The following DCXR variants were observed in gnomAD, a reference collection of about 807,000 sequenced individuals.
DCXR encodes L-xylulose reductase.
DCXR carries 24 observed loss-of-function variants against 25.9 expected under a neutral mutation model. The observed-to-expected ratio is 0.93, with a 90% CI of 0.67 to 1.30. The LOEUF (loss-of-function observed/expected upper bound fraction) is 1.30. Among genes scored for constraint, DCXR ranks in the 50% most tolerant of loss-of-function variants. The pLI, the probability that DCXR is intolerant of heterozygous loss-of-function variation, is 0.00. For synonymous variants in DCXR, 161 were observed against 141.7 expected (o/e 1.14, Z -0.97); for missense variants, 348 against 333.7 (o/e 1.04, Z -0.33).
At chr17:82,036,148 G>C (rs372313006) in intron 7 of DCXR, 43 bp downstream of exon 7, 251 of 1,608,032 alleles carry the variant, frequency 1.6e-4, no homozygotes, top group East Asian at 2.7e-4. Context: ...GGCACACACA[G>C]GGACTGCTGG....
rs1291928497 is a variant in DCXR, at chr17:82,037,477, C to G, written c.123G>C (p.Gln41His). ...CGCGGACAAGGCTGTCAAGATCCGC[C>G]TGAGTCCGGCTCACAGCCACCACCC... ...GARVVAVSRT[Q>H]ADLDSLVREC... Residue 41 changes from glutamine to histidine, a missense_variant, in exon 2 of 8, where the codon CAG becomes CAC. Coordinates refer to ENST00000306869, the MANE Select transcript of DCXR (RefSeq NM_016286.4). 4 of 1,534,628 alleles carry G rather than the reference C, an allele frequency of 2.6e-6. No individual in the cohort carries two copies. The highest frequency in any genetic ancestry group is 3.5e-6 in the Non-Finnish European group (4 of 1,147,458).
intron 2 of DCXR, 117 bp downstream of exon 2, chr17:82,037,333 G>T: frequency 8.4e-7 from 1 of 1,193,306 alleles, no homozygotes; most frequent in Admixed American, 3.3e-5. Flanking sequence ...CCAGGCCGCG[G>T]TGAGAAGCGC....
rs747288981 is a variant in DCXR, at chr17:82,036,300, C to A, written c.522G>T (p.Val174=). The A allele has an allele frequency of 1.9e-6, 3 of 1,613,464 alleles. No homozygotes were observed. The African/African-American group carries it at 4.0e-5, about 22-fold the overall frequency. ...TCACCACTGTGGGGTTTACTGCATT[C>A]ACTCGGATCTACACCGGGACAGCTG... ...ALELGPHKIR[V]NAVNPTVVMT... The change falls in exon 7 of 8, where the codon GTG becomes GTT. Residue 174 remains valine, a synonymous_variant. Transcript: ENST00000306869.
Position 82,036,743 on chromosome 17 carries a change from C to G in DCXR, c.326G>C (p.Arg109Pro), listed in dbSNP as rs557076879. Residue 109 changes from arginine to proline, a missense_variant, in exon 4 of 8, where the codon CGT becomes CCT. Arg to Pro is a moderately radical substitution (Grantham distance 103). Coordinates refer to ENST00000306869, the MANE Select transcript of DCXR (RefSeq NM_016286.4). ...CACCTGCGACACCTGGATGACCGCACGCAGGTTCACCTCAAAGGATCTAGA... is the reference window on the plus strand; with the variant it reads ...CACCTGCGACACCTGGATGACCGCAGGCAGGTTCACCTCAAAGGATCTAGA... ...AFDRSFEVNL[R>P]AVIQVSQIVA... is the part of the protein sequence containing the mutation. 1.2e-6 allele frequency: 2 copies of G among 1,613,550 alleles called. No individual in the cohort carries two copies. The highest frequency in any genetic ancestry group is 1.7e-6 in the Non-Finnish European group (2 of 1,180,036).
Position 82,037,545 on chromosome 17 carries a change from T to C in DCXR, c.55A>G (p.Ile19Val), listed in dbSNP as rs747275397. ...RVLVTGAGKG[I>V]GRGTVQALHA... ...AGCGCCTGGACCGTGCCGCGCCCTA[T>C]ACCTGCCGGGAGCGGGCTCAGTGAA... is the stretch of plus-strand genomic sequence containing the variant. Residue 19 changes from isoleucine (I) to valine (V), a missense_variant and splice_region_variant, in exon 2 of 8, where the codon ATA (isoleucine) becomes GTA (valine). By Grantham distance (29) the Ile-to-Val change is conservative. Transcript: ENST00000306869. 36 of 1,544,464 alleles carry C rather than the reference T, an allele frequency of 2.3e-5. No individual in the cohort carries two copies. Among genetic ancestry groups the C allele is most frequent in the Non-Finnish European group, 3.0e-5 (35 of 1,151,348 alleles).
In DCXR at chr17:82,036,656, CGAGACCGT is replaced by C. The variant is rs750584259; in HGVS notation, c.349-21_349-14del. ...CCCTGGCCACAATCTGGAATCGCAG[CGAGACCGT>C]GAGGCAGAGCTGGCATCACTCACGA... On this transcript the variant is annotated splice_polypyrimidine_tract_variant and intron_variant, in intron 4 of 7. Transcript: ENST00000306869. 1 of 1,613,362 alleles carries C rather than the reference CGAGACCGT, an allele frequency of 6.2e-7. No individual in the cohort carries two copies. Among genetic ancestry groups the C allele is most frequent in the Non-Finnish European group, 8.5e-7 (1 of 1,179,980 alleles).
Position 82,036,918 on chromosome 17 carries a change from G to T in DCXR, c.246C>A (p.Asn82Lys), listed in dbSNP as rs910601411. ...GSVGPVDLLV[N>K]NAAVALLQPF... The stretch of plus-strand genomic sequence containing the variant: ...GCTGCAGCAGGGCGACAGCGGCGTT[G>T]TTCACCAGCAGGTCCACGGGGCCCA... Residue 82 changes from asparagine to lysine, a missense_variant, in exon 3 of 8, where the codon AAC becomes AAA. Transcript: ENST00000306869. 6.2e-7 allele frequency: 1 copy of T among 1,612,656 alleles called. No individual in the cohort carries two copies. The highest frequency in any genetic ancestry group is 8.5e-7 in the Non-Finnish European group (1 of 1,179,884).
Position 82,036,235 on chromosome 17 carries a change from T to C in DCXR, c.587A>G (p.Lys196Arg). 6.2e-7 allele frequency: 1 copy of C among 1,613,672 alleles called. No homozygotes were observed. ...MGQATWSDPHKAKTMLNRIPL... is the reference protein window; with the variant it reads ...MGQATWSDPHRAKTMLNRIPL... ...GATTCGGTTCAGCATAGTCTTGGCC[T>C]TGTGGGGGTCACTCCAGGTGGCCTG... The change falls in exon 7 of 8, where the codon AAG becomes AGG. Residue 196 changes from lysine (K) to arginine (R), a missense_variant. Coordinates refer to ENST00000306869, the MANE Select transcript of DCXR (RefSeq NM_016286.4).
rs2043499215 is a variant in DCXR, at chr17:82,036,980, C to T, written c.184G>A (p.Gly62Ser). Residue 62 changes from glycine to serine, a missense_variant, in exon 3 of 8, where the codon GGT (glycine) becomes AGT (serine). Gly to Ser is a moderately conservative substitution (Grantham distance 56). Coordinates refer to ENST00000306869, the MANE Select transcript of DCXR (RefSeq NM_016286.4). The stretch of plus-strand genomic sequence containing the variant: ...GCCCGCTCGGTGGCCTCCCAGTCAC[C>T]CAGGTCCACGCACACGGGTTCTATC... The part of the protein sequence containing the change: ...PGIEPVCVDL[G>S]DWEATERALG... The T allele has an allele frequency of 1.3e-6, 2 of 1,583,370 alleles. No homozygotes were observed. The highest frequency in any genetic ancestry group is 1.7e-6 in the Non-Finnish European group (2 of 1,165,662).
intron 2 of DCXR, 59 bp downstream of exon 2, chr17:82,037,391 C>T: frequency 1.3e-6 from 2 of 1,481,916 alleles, no homozygotes; most frequent in Non-Finnish European, 1.8e-6. Context: ...ACCGCCCCCG[C>T]TCGCTGCCGC....
intron 3 of DCXR, 45 bp downstream of exon 3, chr17:82,036,814 C>A (rs1357228603): frequency 6.2e-7 from 1 of 1,613,336 alleles, no homozygotes; most frequent in African/African-American, 1.3e-5. Context: ...GCTGCGTCCT[C>A]CAGGACAGCC....
In DCXR at chr17:82,036,018, C is replaced by A. The variant is rs752090622; in HGVS notation, c.677G>T (p.Arg226Leu). The change falls in exon 8 of 8, where the codon CGA becomes CTA. Residue 226 changes from arginine to leucine, a missense_variant. Transcript: ENST00000306869. ...AGTGGAACCCGTGGTCATGCCACTT[C>A]GGTCACTCAGCAGAAAGAGGATGGC... ...VNAILFLLSD[R>L]SGMTTGSTLP... 1 of 1,613,346 alleles carries A rather than the reference C, an allele frequency of 6.2e-7. No individual in the cohort carries two copies. Among genetic ancestry groups the A allele is most frequent in the Admixed American group, 1.7e-5 (1 of 60,014 alleles).
chr17:82,036,954 C>G lies in DCXR; in HGVS notation c.210G>C (p.Ala70=). The change falls in exon 3 of 8, where the codon GCG becomes GCC. Residue 70 remains alanine, a synonymous_variant. Transcript: ENST00000306869. The stretch of plus-strand genomic sequence containing the variant: ...GGTCCACGGGGCCCACGCTGCCCAG[C>G]GCCCGCTCGGTGGCCTCCCAGTCAC... ...DLGDWEATER[A]LGSVGPVDLL... 1 of 1,601,400 alleles carries G rather than the reference C, an allele frequency of 6.2e-7. No individual in the cohort carries two copies. Among genetic ancestry groups the G allele is most frequent in the Non-Finnish European group, 8.5e-7 (1 of 1,174,696 alleles).
rs759402588 is a variant in DCXR at position 82,037,658 on chromosome 17, G to A, written c.25C>T (p.Arg9Trp). 7 of 1,590,610 alleles carry A rather than the reference G, an allele frequency of 4.4e-6. No homozygotes were observed. Among genetic ancestry groups the A allele is most frequent in the South Asian group, 3.3e-5 (3 of 89,642 alleles). ...TTGCCTGCCCCGGTGACCAGCACCC[G>A]GCGGCCCGCGAGGAACAGCTCCATG... Reference protein sequence around the residue: MELFLAGRRVLVTGAGKGI... With the variant: MELFLAGRWVLVTGAGKGI... Residue 9 changes from arginine to tryptophan, a missense_variant, in exon 1 of 8, where the codon CGG becomes TGG. Coordinates refer to ENST00000306869, the MANE Select transcript of DCXR (RefSeq NM_016286.4).
At chr17:82,037,034 T>C in intron 2 of DCXR, 21 bp from the exon 3 acceptor site, 1 of 1,550,786 alleles carries the variant, frequency 6.4e-7, no homozygotes, top group South Asian at 1.2e-5. Context: ...CAGGGGGCAG[T>C]TACCAGAGGC....
chr17:82,037,522 C>A lies in DCXR; in HGVS notation c.78G>T (p.Ala26=), dbSNP rs1369312512. 4 of 1,544,942 alleles carry A rather than the reference C, an allele frequency of 2.6e-6. No individual in the cohort carries two copies. The highest frequency in any genetic ancestry group is 3.5e-6 in the Non-Finnish European group (4 of 1,151,900). ...CCACCCGCGCGCCCGTCGCGTGCAG[C>A]GCCTGGACCGTGCCGCGCCCTATAC... ...GKGIGRGTVQ[A]LHATGARVVA... The change falls in exon 2 of 8, where the codon GCG becomes GCT. Residue 26 remains alanine, a synonymous_variant. Coordinates refer to ENST00000306869, the MANE Select transcript of DCXR (RefSeq NM_016286.4).
intron 2 of DCXR, 159 bp downstream of exon 2, chr17:82,037,291 G>A: frequency 1.0e-6 from 1 of 985,174 alleles, no homozygotes; most frequent in Non-Finnish European, 1.4e-6. Context: ...GCCCACGCAG[G>A]CCACCAGCCC....
chr17:82,037,315 G>C, intron 2 of DCXR, 135 bp downstream of exon 2: 1 of 1,066,336 alleles, frequency 9.4e-7, no homozygotes. Flanking sequence ...GAGAGGGTGC[G>C]CGGGCGCCCA....
chr17:82,037,319 G>T, intron 2 of DCXR, 131 bp downstream of exon 2: 1 of 1,088,492 alleles, frequency 9.2e-7, no homozygotes, highest in Non-Finnish European at 1.2e-6. Context: ...GGGTGCGCGG[G>T]CGCCCAGGCC....
Sources: gnomAD v4.1 joint callset for allele counts on GRCh38, gnomAD v4.1.1 for gene constraint, MANE v1.5 for transcripts, NCBI Gene and HGNC (gene_info 2026-07-23, HGNC 2026-07-21) for gene names.